EPB41L4B: variants seen among roughly 807,000 people sequenced by gnomAD.
The protein encoded by EPB41L4B is erythrocyte membrane protein band 4.1 like 4B.
A neutral mutation model predicts 112.5 loss-of-function variants in EPB41L4B; 30 were observed. The ratio of observed to expected loss-of-function variants is 0.27; its 90% CI spans 0.20 to 0.36. The LOEUF (loss-of-function observed/expected upper bound fraction) is 0.36. Among genes scored for constraint, EPB41L4B ranks in the 10% least tolerant of loss-of-function variants. EPB41L4B has a pLI of 1.00. For missense variants in EPB41L4B, 1,024 were observed against 1,133.3 expected (o/e 0.90, Z 1.38); for synonymous variants, 408 against 439.7 (o/e 0.93, Z 0.90).
At chr9:109,278,029 C>A (rs181644696) in intron 2 of EPB41L4B, among the ~76,000 whole-genome samples, 22 of 152,090 alleles carry the variant, frequency 1.4e-4, no homozygotes, top group Middle Eastern at 3.4e-3. Context: ...CTGAGGCTAC[C>A]CAGAGGAAGA....
chr9:109,313,883 T>G (rs1837519670), intron 1 of EPB41L4B, among the ~76,000 whole-genome samples: 1 of 152,220 alleles, frequency 6.6e-6, no homozygotes, highest in Admixed American at 6.5e-5. Flanking sequence ...AAAACATGTT[T>G]ATATCTGAAT....
chr9:109,183,971 T>A (rs1031540359), intron 23 of EPB41L4B, among the ~76,000 whole-genome samples: 1 of 152,264 alleles, frequency 6.6e-6, no homozygotes, highest in African/African-American at 2.4e-5. Context: ...TGTACTGAGA[T>A]GTCCAGCCCA....
At chr9:109,218,711 G>A (rs1248567451) in intron 15 of EPB41L4B, among the ~76,000 whole-genome samples, 1 of 151,204 alleles carries the variant, frequency 6.6e-6, no homozygotes, top group Non-Finnish European at 1.5e-5. Flanking sequence ...TTCCCATCCC[G>A]ATGCCTCTTA....
chr9:109,248,433 T>G (rs2118993947), intron 13 of EPB41L4B, among the ~76,000 whole-genome samples: 1 of 152,314 alleles, frequency 6.6e-6, no homozygotes, highest in Non-Finnish European at 1.5e-5. Context: ...AAAGGAACAG[T>G]TGCCTAACAG....
At position 109,267,501 on chromosome 9, in the gene EPB41L4B, G is replaced by T. The variant is rs1438580011; in HGVS notation, c.505C>A (p.Pro169Thr). ...HFRVKYYSSE[P>T]NNLREEFTRY... ...GTAAACTCCTCACGAAGGTTGTTTGGTTCTGAAGAATAGTATTTAACTCGA... is the reference window on the plus strand; with the variant it reads ...GTAAACTCCTCACGAAGGTTGTTTGTTTCTGAAGAATAGTATTTAACTCGA... Residue 169 changes from proline to threonine, a missense_variant, in exon 4 of 26, where the codon CCA becomes ACA. Coordinates refer to ENST00000374566, the MANE Select transcript of EPB41L4B (RefSeq NM_019114.5). 6.2e-7 allele frequency: 1 copy of T among 1,613,520 alleles called. No individual in the cohort carries two copies. Among genetic ancestry groups the T allele is most frequent in the Non-Finnish European group, 8.5e-7 (1 of 1,179,628 alleles).
chr9:109,238,440 T>C lies in EPB41L4B; in HGVS notation c.1409+5178A>G, dbSNP rs546052295. Among the ~76,000 whole-genome samples, 105 of 152,352 alleles carry C rather than the reference T, an allele frequency of 6.9e-4. 1 individual carries two copies. The highest frequency in any genetic ancestry group is 2.3e-3 in the South Asian group (11 of 4,822). ...TACCTTCAGACCAGCCCAGAGATGA[T>C]GTATTATTGCCTGTTATCTGGTTAG... is the stretch of plus-strand genomic sequence containing the variant. On this transcript the variant is annotated intron_variant, in intron 15 of 25. Coordinates refer to ENST00000374566, the MANE Select transcript of EPB41L4B (RefSeq NM_019114.5).
Position 109,217,154 on chromosome 9 carries a change from G to T in EPB41L4B, c.1410-9C>A, listed in dbSNP as rs1833404566. 2.5e-6 allele frequency: 4 copies of T among 1,612,732 alleles called. No individual in the cohort carries two copies. The East Asian group carries it at 8.9e-5, about 36-fold the overall frequency. ...GGGAAGGGAGCGGGTAGCTGTGGAG[G>T]GTGACACAGTCAGGATTTAGAAAAG... On this transcript the variant is annotated splice_polypyrimidine_tract_variant and intron_variant, in intron 15 of 25. Coordinates refer to ENST00000374566, the MANE Select transcript of EPB41L4B (RefSeq NM_019114.5).
chr9:109,314,745 G>A (rs1305781702), intron 1 of EPB41L4B, among the ~76,000 whole-genome samples: 1 of 152,150 alleles, frequency 6.6e-6, no homozygotes, highest in African/African-American at 2.4e-5. Context: ...GAGAGGGGAT[G>A]TGGGTGGGGC....
At chr9:109,206,603 A>T (rs1175346984) in intron 18 of EPB41L4B, among the ~76,000 whole-genome samples, 3 of 152,200 alleles carry the variant, frequency 2.0e-5, no homozygotes, top group African/African-American at 7.2e-5. Context: ...AACAGGTGGT[A>T]CCTCCTTGGA....
intron 1 of EPB41L4B, among the ~76,000 whole-genome samples, chr9:109,291,519 GGGACGTC>G (rs1836530492): frequency 6.6e-6 from 1 of 152,154 alleles, no homozygotes; most frequent in African/African-American, 2.4e-5. Context: ...GTAGTGAGAA[GGGACGTC>G]AACAGTCTAG....
chr9:109,278,670 C>T (rs1417673162), intron 2 of EPB41L4B, among the ~76,000 whole-genome samples: 1 of 152,100 alleles, frequency 6.6e-6, no homozygotes, highest in Non-Finnish European at 1.5e-5. Flanking sequence ...TGCTTCCCCT[C>T]CCCCCAGTCC....
At chr9:109,269,167 T>C (rs1358082274) in intron 2 of EPB41L4B, among the ~76,000 whole-genome samples, 3 of 152,160 alleles carry the variant, frequency 2.0e-5, no homozygotes, top group Non-Finnish European at 4.4e-5. Context: ...GGTCTTGAGG[T>C]TGTCGTCCTA....
At chr9:109,241,616 T>C (rs2118959941) in intron 15 of EPB41L4B, 1 of 1,609,500 alleles carries the variant, frequency 6.2e-7, no homozygotes, top group African/African-American at 1.3e-5. Context: ...TTTCATGGAA[T>C]GCAATGAAAC....
At chr9:109,253,673 T>C in intron 11 of EPB41L4B, 123 bp from the exon 12 acceptor site, 4 of 678,968 alleles carry the variant, frequency 5.9e-6, no homozygotes, top group East Asian at 2.8e-5. Context: ...CTGAACTCAC[T>C]TGGGTAAAGA....
chr9:109,277,315 C>CAA (rs35489544), intron 2 of EPB41L4B, among the ~76,000 whole-genome samples: 1,307 of 111,944 alleles, frequency 0.012, 22 homozygotes, highest in East Asian at 0.039. Context: ...AGTAGACATG[C>CAA]AAAAAAAAAA....
chr9:109,320,788 A>AGGGGGCTGCCGGGGGCGC lies in EPB41L4B; in HGVS notation c.-360_-343dup, dbSNP rs1206022913. The stretch of plus-strand genomic sequence containing the variant: ...TCCGGACGGGCGGCTGCGGGCTGCC[A>AGGGGGCTGCCGGGGGCGC]GGGGGCTGCCGGGGGCGCGGGAGGC... On this transcript the variant is annotated 5_prime_UTR_variant, in exon 1 of 26. Transcript: ENST00000374566. 18 of 142,314 alleles carry AGGGGGCTGCCGGGGGCGC rather than the reference A, an allele frequency of 1.3e-4. No individual in the cohort carries two copies. Among genetic ancestry groups the AGGGGGCTGCCGGGGGCGC allele is most frequent in the African/African-American group, 4.6e-4 (18 of 38,978 alleles). The allele number at this position is 142,314 out of a possible 1,614,324, so 8.8% of individuals were successfully genotyped here. A position where few individuals can be genotyped will look rare whatever the true frequency, so the allele number is the denominator to read the frequency against.
chr9:109,186,153 C>G (rs1465140820), intron 22 of EPB41L4B, among the ~76,000 whole-genome samples: 2 of 151,956 alleles, frequency 1.3e-5, no homozygotes, highest in Non-Finnish European at 2.9e-5. Context: ...ACAGAGGGCA[C>G]CAGGAAAGAA....
At chr9:109,301,237 A>C (rs1483173933) in intron 1 of EPB41L4B, 1 of 152,224 alleles carries the variant, frequency 6.6e-6, no homozygotes, top group South Asian at 2.1e-4. Flanking sequence ...ATTTCAAATA[A>C]ACACAAAGTC....
At chr9:109,226,607 C>CATATATATATATATATATAT (rs3081622) in intron 15 of EPB41L4B, among the ~76,000 whole-genome samples, 21 of 90,818 alleles carry the variant, frequency 2.3e-4, no homozygotes, top group African/African-American at 9.0e-4. Context: ...TTGGATTTTT[C>CATATATATATATATATATAT]ATATATATAT....
Sources: allele counts gnomAD v4.1 joint callset (sites outside exome capture counted in the v4.1 genomes callset), GRCh38; gene constraint gnomAD v4.1.1; transcripts MANE v1.5; gene names NCBI Gene and HGNC (gene_info 2026-07-23, HGNC 2026-07-21).